The following DIAPH2 variants were observed in gnomAD, a reference collection of about 807,000 sequenced individuals.
DIAPH2 encodes the protein protein diaphanous homolog 2.
A neutral mutation model predicts 92.7 loss-of-function variants in DIAPH2; 35 were observed. The ratio of observed to expected loss-of-function variants is 0.38; its 90% confidence interval spans 0.29 to 0.50. The LOEUF is 0.50. Ranked by LOEUF, DIAPH2 falls within the 20% of genes least tolerant of loss-of-function variation. DIAPH2 has a pLI of 0.94. For synonymous variants in DIAPH2, 301 were observed against 280.4 expected (o/e 1.07, Z -0.73); for missense variants, 701 against 819.5 (o/e 0.86, Z 1.77).
intron 26 of DIAPH2, among the ~76,000 whole-genome samples, chrX:97,493,695 G>A (rs1361957663): frequency 3.0e-5 from 3 of 100,527 alleles, no homozygotes; most frequent in Non-Finnish European, 6.1e-5. Context: ...CCTGGCCAAC[G>A]TGATGAGACA....
rs761600152 is a variant in DIAPH2, at chrX:97,585,786, C to T, written c.3242-13467C>T. Among the ~76,000 whole-genome samples, 9 of 111,553 alleles carry T rather than the reference C, an allele frequency of 8.1e-5. No individual in the cohort carries two copies. The South Asian group carries it at 3.4e-3, about 43-fold the overall frequency. ...AATCTGGCTTCTGCTCCCCTTATTT[C>T]GAACTGAAATTGCTCTCATTAAGGT... On this transcript the variant is annotated intron_variant, in intron 26 of 26. Transcript: ENST00000324765.
chrX:97,312,699 A>C lies in DIAPH2; in HGVS notation c.2845-35417A>C, dbSNP rs1187735246. Among the ~76,000 whole-genome samples the C allele has an allele frequency of 2.7e-5, 3 of 111,207 alleles. No homozygotes were observed. The Admixed American group carries it at 2.9e-4, about 11-fold the overall frequency. ...TTCTAACTTTTTGAAAGTAGAATGG[A>C]TAGAAGTTTACTAAAATTATACACT... On this transcript the variant is annotated intron_variant, in intron 23 of 26. Transcript: ENST00000324765.
intron 23 of DIAPH2, among the ~76,000 whole-genome samples, chrX:97,272,284 C>A (rs1052616487): frequency 1.8e-5 from 2 of 111,160 alleles, no homozygotes; most frequent in Non-Finnish European, 3.8e-5. Context: ...GGTGTGAGCC[C>A]CCACGCCCAG....
intron 4 of DIAPH2, among the ~76,000 whole-genome samples, chrX:96,794,680 A>G (rs2064526003): frequency 8.9e-6 from 1 of 112,223 alleles, no homozygotes; most frequent in South Asian, 3.7e-4. Context: ...TACAGACTCT[A>G]GAGAATGTCT....
chrX:97,397,273 T>G (rs936737516), intron 25 of DIAPH2, among the ~76,000 whole-genome samples: 1 of 112,097 alleles, frequency 8.9e-6, no homozygotes, highest in Non-Finnish European at 1.9e-5. Context: ...CAAAAAATAA[T>G]TATCCTTTTA....
chrX:97,455,868 C>G (rs1326380969), intron 26 of DIAPH2, among the ~76,000 whole-genome samples: 1 of 111,838 alleles, frequency 8.9e-6, no homozygotes, highest in Non-Finnish European at 1.9e-5. Context: ...CAGATTTTCT[C>G]TATTCTCTGT....
chrX:96,941,896 C>G, intron 12 of DIAPH2, 122 bp from the exon 13 acceptor site: 171 of 462,675 alleles, frequency 3.7e-4, no homozygotes, highest in African/African-American at 7.3e-5. Context: ...GTAGTGGCTG[C>G]AGGATTTTTT....
intron 26 of DIAPH2, among the ~76,000 whole-genome samples, chrX:97,432,644 G>A (rs572914657): frequency 3.3e-3 from 370 of 111,320 alleles, no homozygotes; most frequent in African/African-American, 0.011. Context: ...CCGCCACCAC[G>A]TCCAGCTAGT....
chrX:96,784,418 A>G (rs1439642968), intron 4 of DIAPH2, among the ~76,000 whole-genome samples: 2 of 111,998 alleles, frequency 1.8e-5, no homozygotes, highest in Non-Finnish European at 3.8e-5. Flanking sequence ...TGTTGATTGA[A>G]ATATAACATA....
chrX:97,268,856 CT>C (rs747116851), intron 23 of DIAPH2, among the ~76,000 whole-genome samples: 1,340 of 86,827 alleles, frequency 0.015, 25 homozygotes, highest in African/African-American at 0.052. Flanking sequence ...TCTTTTCTTT[CT>C]TTTTTTTTTT....
At chrX:96,901,550 T>TG in intron 5 of DIAPH2, among the ~76,000 whole-genome samples, 1 of 78,107 alleles carries the variant, frequency 1.3e-5, no homozygotes, top group African/African-American at 4.8e-5. Context: ...TTTTTTTTTT[T>TG]TTTTTTTTTG....
At chrX:96,815,500 C>T (rs1424829894) in intron 4 of DIAPH2, among the ~76,000 whole-genome samples, 7 of 112,041 alleles carry the variant, frequency 6.2e-5, no homozygotes, top group South Asian at 3.7e-4. Context: ...GGCGATGTCC[C>T]GCCCTGCTTC....
At chrX:96,850,297 GATA>G (rs1457602368) in intron 4 of DIAPH2, among the ~76,000 whole-genome samples, 1 of 112,045 alleles carries the variant, frequency 8.9e-6, no homozygotes, top group East Asian at 2.8e-4. Flanking sequence ...AGATGATGAT[GATA>G]ATAATAATAG....
chrX:97,360,649 T>A (rs1201422812), intron 24 of DIAPH2, among the ~76,000 whole-genome samples: 2 of 111,100 alleles, frequency 1.8e-5, no homozygotes, highest in African/African-American at 3.3e-5. Flanking sequence ...AACAGATGAT[T>A]ATGTAAAATG....
intron 4 of DIAPH2, among the ~76,000 whole-genome samples, chrX:96,766,568 A>G (rs909826597): frequency 8.9e-6 from 1 of 111,952 alleles, no homozygotes; most frequent in Non-Finnish European, 1.9e-5. Flanking sequence ...TCAATCTTCA[A>G]CAGATGGAGA....
intron 4 of DIAPH2, among the ~76,000 whole-genome samples, chrX:96,794,632 A>T (rs1241488816): frequency 5.4e-5 from 6 of 111,912 alleles, no homozygotes; most frequent in Non-Finnish European, 9.4e-5. Context: ...GAAGTTAAAG[A>T]TAACTCTATC....
chrX:97,559,317 C>G (rs1449437479), intron 26 of DIAPH2, among the ~76,000 whole-genome samples: 1 of 110,645 alleles, frequency 9.0e-6, no homozygotes, highest in Admixed American at 9.6e-5. Flanking sequence ...CGGTGAAACC[C>G]TGTCTCTACT....
At chrX:97,325,282 C>T (rs2068940434) in intron 23 of DIAPH2, among the ~76,000 whole-genome samples, 1 of 111,836 alleles carries the variant, frequency 8.9e-6, no homozygotes, top group African/African-American at 3.2e-5. Context: ...TGAGTGCAAT[C>T]TGCATCTGCA....
chrX:97,108,909 C>A (rs1248512770), intron 20 of DIAPH2, among the ~76,000 whole-genome samples: 2 of 111,307 alleles, frequency 1.8e-5, no homozygotes, highest in Non-Finnish European at 3.8e-5. Flanking sequence ...ACCCCGGTTT[C>A]TTCATACTGA....
Sources: gnomAD v4.1 joint callset for allele counts (sites outside exome capture counted in the v4.1 genomes callset) on GRCh38, gnomAD v4.1.1 for gene constraint, MANE v1.5 for transcripts, NCBI Gene and HGNC (gene_info 2026-07-23, HGNC 2026-07-21) for gene names.